The following SCFD2 variants were observed in gnomAD, a reference collection of about 807,000 sequenced individuals.
SCFD2 encodes sec1 family domain-containing protein 2.
SCFD2 carries 54 observed loss-of-function variants against 58.9 expected under a neutral mutation model. The observed-to-expected ratio is 0.92, with a 90% CI of 0.74 to 1.15. The LOEUF (loss-of-function observed/expected upper bound fraction) is 1.15. Ranked by LOEUF, SCFD2 falls within the 50% of genes most tolerant of loss-of-function variation. The pLI is 0.00. For missense variants in SCFD2, 805 were observed against 836.6 expected, an observed-to-expected ratio of 0.96 and a Z score of 0.47; for synonymous variants, 321 against 335.9, an observed-to-expected ratio of 0.96 and a Z score of 0.49.
chr4:53,191,779 A>G (rs191166869), intron 4 of SCFD2, among the ~76,000 whole-genome samples: 1 of 152,334 alleles, frequency 6.6e-6, no homozygotes, highest in Non-Finnish European at 1.5e-5. Flanking sequence ...TGTGACTGCA[A>G]AAAGGTTTGT....
chr4:53,305,170 T>A (rs1260427407), intron 3 of SCFD2, among the ~76,000 whole-genome samples: 2 of 152,204 alleles, frequency 1.3e-5, no homozygotes, highest in Non-Finnish European at 2.9e-5. Flanking sequence ...TAACCCATTA[T>A]ATACATATGT....
chr4:53,069,018 T>C (rs948743623), intron 5 of SCFD2, among the ~76,000 whole-genome samples: 14 of 152,046 alleles, frequency 9.2e-5, no homozygotes, highest in African/African-American at 3.4e-4. Context: ...AGGGACACTC[T>C]GTGGTATTCT....
At chr4:53,116,793 T>C (rs545033067) in intron 5 of SCFD2, among the ~76,000 whole-genome samples, 1 of 152,184 alleles carries the variant, frequency 6.6e-6, no homozygotes, top group Non-Finnish European at 1.5e-5. Context: ...TCTCAACAAA[T>C]AACAGAGCTA....
chr4:52,948,736 C>T, intron 5 of SCFD2: 1 of 312,030 alleles, frequency 3.2e-6, no homozygotes, highest in South Asian at 2.8e-5. Context: ...GGATCCTCTC[C>T]TTTTCCTGAC....
intron 5 of SCFD2, among the ~76,000 whole-genome samples, chr4:53,043,685 CAAGAA>C (rs1722954907): frequency 6.6e-6 from 1 of 151,938 alleles, no homozygotes. Flanking sequence ...TTATGTACTA[CAAGAA>C]AAGACTTTGT....
intron 4 of SCFD2, among the ~76,000 whole-genome samples, chr4:53,250,477 C>A (rs996132156): frequency 1.3e-5 from 2 of 152,122 alleles, no homozygotes; most frequent in African/African-American, 4.8e-5. Context: ...GAACTCTCCA[C>A]CCCAAATCAA....
intron 5 of SCFD2, among the ~76,000 whole-genome samples, chr4:52,954,185 TCAC>T (rs902617240): frequency 3.3e-5 from 5 of 152,210 alleles, no homozygotes; most frequent in Non-Finnish European, 7.3e-5. Flanking sequence ...TTGCTTTCTG[TCAC>T]CACAACCTCC....
At chr4:53,335,735 A>T (rs1733664622) in intron 2 of SCFD2, among the ~76,000 whole-genome samples, 1 of 152,164 alleles carries the variant, frequency 6.6e-6, no homozygotes, top group Non-Finnish European at 1.5e-5. Flanking sequence ...TAAAGGAATC[A>T]ATCAATTCAA....
intron 5 of SCFD2, among the ~76,000 whole-genome samples, chr4:53,064,865 A>G (rs1228401146): frequency 6.6e-6 from 1 of 152,146 alleles, no homozygotes; most frequent in Non-Finnish European, 1.5e-5. Flanking sequence ...TCCATGAGAT[A>G]ATACATGTAA....
intron 4 of SCFD2, among the ~76,000 whole-genome samples, chr4:53,210,540 A>C (rs1383503286): frequency 6.6e-5 from 10 of 152,094 alleles, no homozygotes; most frequent in Admixed American, 4.6e-4. Context: ...CTTCTATTAA[A>C]CCAGACATTA....
chr4:53,280,964 A>C (rs1359624229), intron 3 of SCFD2, among the ~76,000 whole-genome samples: 1 of 152,200 alleles, frequency 6.6e-6, no homozygotes, highest in Non-Finnish European at 1.5e-5. Flanking sequence ...GTAAATGAGC[A>C]CAACTGAACA....
chr4:53,075,911 G>A (rs1413795783), intron 5 of SCFD2, among the ~76,000 whole-genome samples: 1 of 152,162 alleles, frequency 6.6e-6, no homozygotes, highest in African/African-American at 2.4e-5. Flanking sequence ...AAATGGTGCT[G>A]ATAGACTTGC....
chr4:53,249,477 G>T (rs1730264668), intron 4 of SCFD2, among the ~76,000 whole-genome samples: 1 of 152,130 alleles, frequency 6.6e-6, no homozygotes, highest in Non-Finnish European at 1.5e-5. Context: ...TAATCCTTGA[G>T]AAGAGCAACT....
chr4:52,971,212 C>T (rs973980520), intron 5 of SCFD2, among the ~76,000 whole-genome samples: 2 of 152,078 alleles, frequency 1.3e-5, no homozygotes, highest in Non-Finnish European at 1.5e-5. Flanking sequence ...CAAGATCAAA[C>T]TACTCCGAGC....
intron 5 of SCFD2, among the ~76,000 whole-genome samples, chr4:52,934,342 A>G (rs1013977675): frequency 6.6e-6 from 1 of 152,220 alleles, no homozygotes; most frequent in Non-Finnish European, 1.5e-5. Context: ...AAAAAGAGAC[A>G]GGTCTCAGGC....
chr4:53,082,064 T>G (rs192018856), intron 5 of SCFD2, among the ~76,000 whole-genome samples: 2 of 152,348 alleles, frequency 1.3e-5, no homozygotes, highest in African/African-American at 4.8e-5. Context: ...GAATATTGTA[T>G]GGATATAACA....
intron 5 of SCFD2, among the ~76,000 whole-genome samples, chr4:52,966,527 C>A (rs1577865714): frequency 6.6e-6 from 1 of 152,296 alleles, no homozygotes; most frequent in East Asian, 1.9e-4. Context: ...CTCAACCACC[C>A]CTTACTCAAC....
At position 53,336,546 on chromosome 4, in the gene SCFD2, T is replaced by C. The variant is rs571124427; in HGVS notation, c.1007+16052A>G. Among the ~76,000 whole-genome samples the C allele has an allele frequency of 4.6e-5, 7 of 152,176 alleles. 1 individual carries two copies. In the East Asian group the frequency reaches 7.7e-4, roughly 17 times the overall value. On this transcript the variant is annotated intron_variant, in intron 2 of 8. Coordinates refer to ENST00000401642, the MANE Select transcript of SCFD2 (RefSeq NM_152540.4). Reference sequence around the variant, plus strand: ...TTATTTATTTATTTATTTATTTGAGTTGGAGTTTTGCTCTGTTGCCCAGAC... The same window carrying C: ...TTATTTATTTATTTATTTATTTGAGCTGGAGTTTTGCTCTGTTGCCCAGAC...
intron 4 of SCFD2, among the ~76,000 whole-genome samples, chr4:53,216,121 T>C (rs138754690): frequency 0.071 from 10,865 of 152,212 alleles, 608 homozygotes; most frequent in East Asian, 0.21. Context: ...TTTTGTTGTG[T>C]CTCTGCCAGC....
Sources: gnomAD v4.1 joint callset for allele counts (sites outside exome capture counted in the v4.1 genomes callset) on GRCh38, gnomAD v4.1.1 for gene constraint, MANE v1.5 for transcripts, NCBI Gene and HGNC (gene_info 2026-07-23, HGNC 2026-07-21) for gene names.